The following GRAMD2B variants were observed in gnomAD, a reference collection of about 807,000 sequenced individuals.
GRAMD2B encodes the protein GRAM domain-containing protein 2B.
GRAMD2B carries 41 observed loss-of-function variants against 59.2 expected under a neutral mutation model. That is an observed-to-expected ratio of 0.69 (90% CI 0.54 to 0.90). GRAMD2B has a LOEUF of 0.90. GRAMD2B is among the 40% of genes least tolerant of loss of function. The probability of loss-of-function intolerance (pLI) is 0.00; values close to 1 mark genes in which losing one functional copy is unlikely to be tolerated. For missense variants in GRAMD2B, 424 were observed against 500.5 expected (o/e 0.85, Z 1.46); for synonymous variants, 161 against 182.7 (o/e 0.88, Z 0.96).
intron 1 of GRAMD2B, among the ~76,000 whole-genome samples, chr5:126,454,983 A>C (rs557330028): frequency 6.6e-6 from 1 of 152,114 alleles, no homozygotes; most frequent in African/African-American, 2.4e-5. Context: ...CCAAACTACA[A>C]TTTCTCTTGT....
chr5:126,394,562 ACATTCCATTTCAATATTCTG>A (rs1213051467), intron 1 of GRAMD2B, among the ~76,000 whole-genome samples: 32 of 152,302 alleles, frequency 2.1e-4, no homozygotes, highest in African/African-American at 3.4e-4. Flanking sequence ...TCAATATTCT[ACATTCCATTTCAATATTCTG>A]CATTCCATTT....
At chr5:126,415,774 C>T (rs1301687084) in intron 1 of GRAMD2B, among the ~76,000 whole-genome samples, 2 of 151,600 alleles carry the variant, frequency 1.3e-5, no homozygotes, top group Non-Finnish European at 1.5e-5. Context: ...AGAGAAAAGA[C>T]TGGAGAAAAG....
chr5:126,434,610 C>T (rs886824443), intron 1 of GRAMD2B, among the ~76,000 whole-genome samples: 1 of 152,030 alleles, frequency 6.6e-6, no homozygotes, highest in Admixed American at 6.6e-5. Flanking sequence ...CTCCGCCTCC[C>T]GGGTCCACAC....
At chr5:126,396,140 G>A (rs1757344233) in intron 1 of GRAMD2B, among the ~76,000 whole-genome samples, 1 of 152,102 alleles carries the variant, frequency 6.6e-6, no homozygotes. Flanking sequence ...TTTCCTTGAT[G>A]ATTAGTGATG....
intron 5 of GRAMD2B, among the ~76,000 whole-genome samples, chr5:126,473,761 T>A (rs1483531056): frequency 6.6e-6 from 1 of 152,182 alleles, no homozygotes; most frequent in Non-Finnish European, 1.5e-5. Context: ...CATCAATTTT[T>A]ATACCATATT....
At chr5:126,419,326 G>A (rs1257297377), upstream of GRAMD2B, among the ~76,000 whole-genome samples, 1 of 152,052 alleles carries the variant, frequency 6.6e-6, no homozygotes, top group Non-Finnish European at 1.5e-5. Flanking sequence ...GTGAGAGAGA[G>A]AGAGAGAGCG....
chr5:126,441,073 CT>C (rs901357749), intron 1 of GRAMD2B, among the ~76,000 whole-genome samples: 25 of 151,228 alleles, frequency 1.7e-4, no homozygotes, highest in Middle Eastern at 3.4e-3. Context: ...TTTTTTGTGT[CT>C]TTTTTTTCAT....
At chr5:126,449,728 A>G (rs1478938490) in intron 1 of GRAMD2B, among the ~76,000 whole-genome samples, 2 of 152,196 alleles carry the variant, frequency 1.3e-5, no homozygotes, top group Non-Finnish European at 2.9e-5. Flanking sequence ...CTGTAATAAT[A>G]CTTGGCATTT....
chr5:126,367,992 C>A (rs1294146211), upstream of GRAMD2B, among the ~76,000 whole-genome samples: 3 of 152,230 alleles, frequency 2.0e-5, no homozygotes, highest in Non-Finnish European at 2.9e-5. Context: ...ACCTCGTGAT[C>A]TGCCCGCGTC....
At chr5:126,387,118 G>A (rs532183558) in intron 1 of GRAMD2B, among the ~76,000 whole-genome samples, 3 of 151,996 alleles carry the variant, frequency 2.0e-5, no homozygotes, top group African/African-American at 7.2e-5. Flanking sequence ...TCAAAAAACT[G>A]TCAAGCTATT....
At chr5:126,442,825 GACAA>G (rs933174181) in intron 1 of GRAMD2B, among the ~76,000 whole-genome samples, 1 of 151,648 alleles carries the variant, frequency 6.6e-6, no homozygotes, top group Non-Finnish European at 1.5e-5. Context: ...TAGAAACCTT[GACAA>G]ACACAGATCA....
At chr5:126,458,461 T>C (rs1407772317) in intron 1 of GRAMD2B, among the ~76,000 whole-genome samples, 6 of 149,788 alleles carry the variant, frequency 4.0e-5, no homozygotes, top group Admixed American at 6.7e-5. Context: ...AAAAAAAGAA[T>C]GAGGGGCTAG....
chr5:126,377,127 T>C (rs1755259670), intron 1 of GRAMD2B, among the ~76,000 whole-genome samples: 1 of 147,188 alleles, frequency 6.8e-6, no homozygotes, highest in Non-Finnish European at 1.5e-5. Flanking sequence ...ATGCTCTATC[T>C]AGTTGCCAGG....
upstream of GRAMD2B, among the ~76,000 whole-genome samples, chr5:126,421,813 C>A (rs1312519791): frequency 1.3e-5 from 2 of 152,128 alleles, no homozygotes; most frequent in African/African-American, 4.8e-5. Context: ...CACACATACA[C>A]CCTACAAACT....
At chr5:126,386,443 A>G (rs1756143113) in intron 1 of GRAMD2B, among the ~76,000 whole-genome samples, 1 of 152,208 alleles carries the variant, frequency 6.6e-6, no homozygotes, top group Non-Finnish European at 1.5e-5. Context: ...TTAAACAATG[A>G]GCATGTATTA....
intron 1 of GRAMD2B, among the ~76,000 whole-genome samples, chr5:126,428,781 A>G (rs1761037411): frequency 6.6e-6 from 1 of 152,228 alleles, no homozygotes; most frequent in Non-Finnish European, 1.5e-5. Context: ...ACAATCATGA[A>G]AAAAAGCTCT....
chr5:126,473,676 A>C (rs928636386), intron 5 of GRAMD2B, among the ~76,000 whole-genome samples: 1 of 152,220 alleles, frequency 6.6e-6, no homozygotes, highest in Non-Finnish European at 1.5e-5. Context: ...GAGAGCACTC[A>C]AAGTTGTTTA....
chr5:126,474,783 A>G (rs1289127283), intron 5 of GRAMD2B, among the ~76,000 whole-genome samples: 1 of 152,370 alleles, frequency 6.6e-6, no homozygotes, highest in East Asian at 1.9e-4. Flanking sequence ...AAGAACTGAT[A>G]AAAAGAAGTT....
chr5:126,432,065 A>G (rs111344220), intron 1 of GRAMD2B, among the ~76,000 whole-genome samples: 4 of 152,270 alleles, frequency 2.6e-5, no homozygotes, highest in African/African-American at 9.6e-5. Flanking sequence ...AGTAGCTGGG[A>G]CTACAGGCGT....
Sources: allele counts gnomAD v4.1 joint callset (sites outside exome capture counted in the v4.1 genomes callset), GRCh38; gene constraint gnomAD v4.1.1; transcripts MANE v1.5; gene names NCBI Gene and HGNC (gene_info 2026-07-23, HGNC 2026-07-21).